The following DENND11 variants were observed in gnomAD, a reference collection of about 807,000 sequenced individuals.
The protein encoded by DENND11 is DENN domain-containing protein 11.
In DENND11, 34 loss-of-function variants were observed where a neutral mutation model predicts 49.2. The ratio of observed to expected loss-of-function variants is 0.69; its 90% confidence interval spans 0.53 to 0.92. The LOEUF is 0.92. DENND11 is among the 40% of genes least tolerant of loss of function. DENND11 has a pLI of 0.00. For synonymous variants in DENND11, 238 were observed against 230.3 expected, an observed-to-expected ratio of 1.03 and a Z score of -0.30; for missense variants, 475 against 581.6, an observed-to-expected ratio of 0.82 and a Z score of 1.88.
At chr7:141,662,885 C>G (rs186113124) in intron 8 of DENND11, 34 bp from the exon 9 acceptor site, 46,318 of 1,466,468 alleles carry the variant, frequency 0.032, 1,371 homozygotes, top group South Asian at 0.13. Context: ...GGAAAGGAAG[C>G]GGGGGGGAAT....
At position 141,674,079 on chromosome 7, in the gene DENND11, G is replaced by A. The variant is rs748708019; in HGVS notation, c.669C>T (p.Tyr223=). 1.0e-5 allele frequency: 16 copies of A among 1,605,658 alleles called. No homozygotes were observed. The highest frequency in any genetic ancestry group is 3.4e-5 in the Admixed American group (2 of 58,930). The change falls in exon 4 of 9, where the codon TAC becomes TAT. Residue 223 remains tyrosine, a synonymous_variant. Transcript: ENST00000536163. ...GGGCTAACCTCACCTTCATCTCAGG[G>A]TACATGTATCGGTGGATGGAAGGCA... is the stretch of plus-strand genomic sequence containing the variant. ...YWLPSIHRYM[Y]PEMKITHPAG...
intron 1 of DENND11, among the ~76,000 whole-genome samples, chr7:141,694,839 TCTC>T (rs1403632181): frequency 7.9e-5 from 12 of 152,068 alleles, no homozygotes; most frequent in African/African-American, 2.9e-4. Flanking sequence ...ACCTTAAGCT[TCTC>T]CTGCTACCTC....
At position 141,664,999 on chromosome 7, in the gene DENND11, A is replaced by G; in HGVS notation, c.1008T>C (p.Asp336=). 3 of 1,613,824 alleles carry G rather than the reference A, an allele frequency of 1.9e-6. No individual in the cohort carries two copies. Among genetic ancestry groups the G allele is most frequent in the Non-Finnish European group, 2.5e-6 (3 of 1,179,850 alleles). The change falls in exon 7 of 9, where the codon GAT becomes GAC. Residue 336 remains aspartate (D), a synonymous_variant. Coordinates refer to ENST00000536163, the MANE Select transcript of DENND11 (RefSeq NM_001080392.2). ...CGTGGTGTGTCTTCACATTCTGGTT[A>G]TCCACGTAGACGTCATACAGCTCCC... is the stretch of plus-strand genomic sequence containing the variant. The part of the protein sequence containing the change: ...EKRELYDVYV[D]NQNVKTHHDH...
At chr7:141,684,691 G>C (rs1798203249) in intron 3 of DENND11, among the ~76,000 whole-genome samples, 2 of 151,976 alleles carry the variant, frequency 1.3e-5, no homozygotes, top group Non-Finnish European at 2.9e-5. Context: ...CTATAAAAGA[G>C]GATATATATT....
intron 3 of DENND11, among the ~76,000 whole-genome samples, chr7:141,683,856 A>G (rs964073069): frequency 2.6e-5 from 4 of 152,216 alleles, no homozygotes; most frequent in African/African-American, 9.7e-5. Flanking sequence ...GGAACAGGCC[A>G]ATAGTATTAA....
At position 141,660,993 on chromosome 7, in the gene DENND11, A is replaced by G. The variant is rs540316445; in HGVS notation, c.*1663T>C. The G allele has an allele frequency of 1.8e-4, 27 of 152,442 alleles. No individual in the cohort carries two copies. Among genetic ancestry groups the G allele is most frequent in the African/African-American group, 5.8e-4 (24 of 41,576 alleles). 9.4% of individuals were successfully genotyped at this position (152,442 alleles called of 1,614,324 possible). A position where few individuals can be genotyped will look rare whatever the true frequency, so the allele number is the denominator to read the frequency against. On this transcript the variant is annotated 3_prime_UTR_variant, in exon 9 of 9. Coordinates refer to ENST00000536163, the MANE Select transcript of DENND11 (RefSeq NM_001080392.2). ...ATGCTACCTTGATTAATCAATGTCT[A>G]TTTGCATTTCCACATGTGAATTTCT... is the stretch of plus-strand genomic sequence containing the variant.
At chr7:141,687,872 G>C (rs1209630506) in intron 1 of DENND11, among the ~76,000 whole-genome samples, 1 of 151,996 alleles carries the variant, frequency 6.6e-6, no homozygotes, top group Admixed American at 6.6e-5. Flanking sequence ...CTGACCTTGT[G>C]ATCCGCCCAC....
rs186579065 is a variant in DENND11, at chr7:141,687,476, T to C, written c.269-818A>G. Among the ~76,000 whole-genome samples, 62 of 152,068 alleles carry C rather than the reference T, an allele frequency of 4.1e-4. No individual in the cohort carries two copies. In the East Asian group the frequency reaches 0.01, roughly 25 times the overall value. On this transcript the variant is annotated intron_variant, in intron 1 of 8. Coordinates refer to ENST00000536163, the MANE Select transcript of DENND11 (RefSeq NM_001080392.2). ...GGATAAGGTGCGATTTTTTTTTTTT[T>C]TTCTCGAGACTGAGTTTCACTTTGT... is the stretch of plus-strand genomic sequence containing the variant.
chr7:141,687,909 C>G (rs112946237), intron 1 of DENND11, among the ~76,000 whole-genome samples: 3,016 of 152,220 alleles, frequency 0.02, 47 homozygotes, highest in Middle Eastern at 0.037. Context: ...GCTGGGATTA[C>G]AGGCGTGAGC....
At chr7:141,700,089 CCTAT>C (rs752386400) in intron 1 of DENND11, among the ~76,000 whole-genome samples, 3 of 152,066 alleles carry the variant, frequency 2.0e-5, no homozygotes, top group South Asian at 2.1e-4. Context: ...TATTATCCAC[CCTAT>C]CTGTCTGTAA....
intron 3 of DENND11, among the ~76,000 whole-genome samples, chr7:141,677,402 A>T (rs10236738): frequency 0.042 from 3,185 of 75,732 alleles, 90 homozygotes; most frequent in African/African-American, 0.088. Flanking sequence ...AAAAAAAAAA[A>T]ATATATATAT....
chr7:141,677,390 CA>C (rs57034632), intron 3 of DENND11, among the ~76,000 whole-genome samples: 6,096 of 121,704 alleles, frequency 0.05, 258 homozygotes, highest in South Asian at 0.15. Context: ...ACTCTTGTCT[CA>C]AAAAAAAAAA....
chr7:141,669,019 A>G (rs1797936524), intron 4 of DENND11, among the ~76,000 whole-genome samples: 4 of 152,092 alleles, frequency 2.6e-5, no homozygotes, highest in Admixed American at 2.6e-4. Context: ...GCAGGCTCTG[A>G]TAGACCCATG....
chr7:141,686,721 C>T, intron 1 of DENND11, 63 bp from the exon 2 acceptor site: 1 of 1,109,792 alleles, frequency 9.0e-7, no homozygotes, highest in Non-Finnish European at 1.3e-6. Flanking sequence ...TGGGTTAGTA[C>T]AGGGCTTAGC....
chr7:141,685,027 AAAATATATAT>A (rs1195114659), intron 3 of DENND11, among the ~76,000 whole-genome samples: 204 of 98,010 alleles, frequency 2.1e-3, no homozygotes, highest in African/African-American at 7.0e-3. Context: ...AAAAAAAAAA[AAAATATATAT>A]ATATATATAT....
intron 1 of DENND11, among the ~76,000 whole-genome samples, chr7:141,690,778 A>C (rs1798315300): frequency 6.6e-6 from 1 of 152,202 alleles, no homozygotes; most frequent in Admixed American, 6.5e-5. Flanking sequence ...TTTTTGGCCA[A>C]ATTATCTTAG....
At chr7:141,700,132 T>G (rs930007755) in intron 1 of DENND11, among the ~76,000 whole-genome samples, 2 of 152,200 alleles carry the variant, frequency 1.3e-5, no homozygotes, top group Non-Finnish European at 2.9e-5. Context: ...TCTCTTTCCC[T>G]TCCCTAAGAC....
intron 4 of DENND11, among the ~76,000 whole-genome samples, chr7:141,670,160 T>G (rs1248253391): frequency 6.6e-6 from 1 of 152,178 alleles, no homozygotes; most frequent in Non-Finnish European, 1.5e-5. Context: ...GGTCCCTGCC[T>G]TTTTTGTACA....
At chr7:141,674,028 A>G (rs149728317) in intron 4 of DENND11, 39 bp downstream of exon 4, 2 of 1,585,458 alleles carry the variant, frequency 1.3e-6, no homozygotes, top group Non-Finnish European at 1.7e-6. Flanking sequence ...TCCCAGATAC[A>G]GATCCAGTAT....
Sources: gnomAD v4.1 joint callset for allele counts (sites outside exome capture counted in the v4.1 genomes callset) on GRCh38, gnomAD v4.1.1 for gene constraint, MANE v1.5 for transcripts, NCBI Gene and HGNC (gene_info 2026-07-23, HGNC 2026-07-21) for gene names.